Variants in MTHFD1 observed in about 807,000 individuals in gnomAD.
The protein encoded by MTHFD1 is C-1-tetrahydrofolate synthase, cytoplasmic.
In MTHFD1, 44 loss-of-function variants were observed where a neutral mutation model predicts 110.3. The observed-to-expected ratio is 0.40, with a 90% CI of 0.31 to 0.51. The LOEUF is 0.51. MTHFD1 is among the 20% of genes least tolerant of loss of function. The pLI, the probability that MTHFD1 is intolerant of heterozygous loss-of-function variation, is 0.60. For synonymous variants in MTHFD1, 402 were observed against 428.8 expected (o/e 0.94, Z 0.77); for missense variants, 909 against 1,173.1 (o/e 0.77, Z 3.29).
In MTHFD1 at chr14:64,454,703, C is replaced by T. The variant is rs375172283; in HGVS notation, c.2566-20C>T. The T allele has an allele frequency of 1.9e-6, 3 of 1,607,768 alleles. No individual in the cohort carries two copies. Among genetic ancestry groups the T allele is most frequent in the Non-Finnish European group, 2.6e-6 (3 of 1,174,324 alleles). On this transcript the variant is annotated intron_variant, in intron 25 of 27. Transcript: ENST00000652337. ...TGTCATCTTTTCATTTGTCCTCCCT[C>T]TCTTCCCTTCTTTCCCCAGGGCTTT...
chr14:64,431,569 C>G lies in MTHFD1; in HGVS notation c.1349C>G (p.Thr450Ser). ...LHLTGDIHAITAANNLVAAAI... is the reference protein window; with the variant it reads ...LHLTGDIHAISAANNLVAAAI... ...CTCACAGGTGACATCCATGCCATCA[C>G]TGCAGCTAATAACCTCGTTGCTGCG... is the stretch of plus-strand genomic sequence containing the variant. Residue 450 changes from threonine to serine, a missense_variant, in exon 14 of 28, where the codon ACT becomes AGT. Transcript: ENST00000652337. 2 of 1,614,184 alleles carry G rather than the reference C, an allele frequency of 1.2e-6. No individual in the cohort carries two copies. The highest frequency in any genetic ancestry group is 1.7e-6 in the Non-Finnish European group (2 of 1,180,026).
intron 14 of MTHFD1, 49 bp from the exon 15 acceptor site, chr14:64,431,738 C>CT (rs1566567387): frequency 6.3e-7 from 1 of 1,599,042 alleles, no homozygotes; most frequent in Non-Finnish European, 8.6e-7. Context: ...ATGCAGGTAG[C>CT]AAAGCAGTGG....
intron 24 of MTHFD1, 45 bp from the exon 25 acceptor site, chr14:64,453,709 A>C: frequency 8.6e-7 from 1 of 1,161,202 alleles, no homozygotes; most frequent in South Asian, 1.2e-5. Context: ...AAATGTCCTC[A>C]CATGTGTCCA....
chr14:64,419,991 A>C (rs2078056050), intron 8 of MTHFD1, 66 bp downstream of exon 8: 1 of 1,096,808 alleles, frequency 9.1e-7, no homozygotes, highest in Non-Finnish European at 1.4e-6. Context: ...CATCAAAAGA[A>C]GCCTGAGAGA....
chr14:64,424,743 T>C, intron 8 of MTHFD1, 61 bp from the exon 9 acceptor site: 1 of 1,599,894 alleles, frequency 6.3e-7, no homozygotes, highest in Non-Finnish European at 8.5e-7. Flanking sequence ...GTTTTTGTCG[T>C]AACTGATCAC....
Position 64,453,838 on chromosome 14 carries a change from A to T in MTHFD1, c.2542A>T (p.Lys848Ter), listed in dbSNP as rs2078419499. 1 of 1,609,280 alleles carries T rather than the reference A, an allele frequency of 6.2e-7. No individual in the cohort carries two copies. Among genetic ancestry groups the T allele is most frequent in the Non-Finnish European group, 8.5e-7 (1 of 1,175,638 alleles). Residue 848 changes from lysine (K) to a stop codon, truncating the protein, a stop_gained, in exon 25 of 28, where the codon AAA (lysine) becomes TAA (stop). Transcript: ENST00000652337. LOFTEE classifies it high-confidence loss of function. ...DIELLPEAQH[K>*]AEVYTKQGFG... ...TGAATTACTTCCCGAAGCTCAACAC[A>T]AAGCTGAAGTCTACACGAAGCAGGT...
Position 64,425,820 on chromosome 14 carries a change from G to C in MTHFD1, c.946G>C (p.Val316Leu). 6.2e-7 allele frequency: 1 copy of C among 1,613,510 alleles called. No individual in the cohort carries two copies. The highest frequency in any genetic ancestry group is 1.1e-5 in the South Asian group (1 of 91,058). Residue 316 changes from valine (V) to leucine (L), a missense_variant, in exon 10 of 28, where the codon GTT becomes CTT. By Grantham distance (32) the Val-to-Leu change is conservative. Transcript: ENST00000652337. ...QYNNLNLKTP[V>L]PSDIDISRSC... The stretch of plus-strand genomic sequence containing the variant: ...TAACAACCTTAACCTCAAGACACCT[G>C]TTCCAAGGTAAAAATAAAGTTTTAC...
intron 11 of MTHFD1, among the ~76,000 whole-genome samples, chr14:64,426,702 C>G (rs1317194574): frequency 6.6e-6 from 1 of 151,912 alleles, no homozygotes. Flanking sequence ...AACTCCTGAC[C>G]TTGTGATCCA....
chr14:64,393,547 G>C (rs918372543), intron 1 of MTHFD1, among the ~76,000 whole-genome samples: 6 of 152,202 alleles, frequency 3.9e-5, no homozygotes. Context: ...GAGAGGCTGG[G>C]ACCTTCAGCT....
intron 3 of MTHFD1, among the ~76,000 whole-genome samples, chr14:64,411,943 A>G (rs991386091): frequency 2.0e-5 from 3 of 152,158 alleles, no homozygotes; most frequent in African/African-American, 7.2e-5. Context: ...CAGAGGAAAA[A>G]TGCAGGCAAT....
intron 24 of MTHFD1, 43 bp from the exon 25 acceptor site, chr14:64,453,711 A>G (rs1596565025): frequency 2.5e-6 from 3 of 1,180,290 alleles, no homozygotes; most frequent in South Asian, 1.2e-5. Context: ...ATGTCCTCAC[A>G]TGTGTCCAGT....
rs1051365331 is a variant in MTHFD1 at position 64,453,518 on chromosome 14, C to T, written c.2458-236C>T. The stretch of plus-strand genomic sequence containing the variant: ...CCTGGGAGGCAGGGGTTACAGTGAA[C>T]TGAGATCGCGCCATTGCACTCCAGC... On this transcript the variant is annotated intron_variant, in intron 24 of 27. Coordinates refer to ENST00000652337, the MANE Select transcript of MTHFD1 (RefSeq NM_005956.4). Among the ~76,000 whole-genome samples, 3 of 152,186 alleles carry T rather than the reference C, an allele frequency of 2.0e-5. No individual in the cohort carries two copies. The South Asian group carries it at 6.2e-4, about 32-fold the overall frequency.
chr14:64,456,914 T>C (rs2078483618), intron 26 of MTHFD1, among the ~76,000 whole-genome samples: 1 of 152,210 alleles, frequency 6.6e-6, no homozygotes, highest in Non-Finnish European at 1.5e-5. Context: ...CTGTCTAGAT[T>C]TGATTTGGAA....
At chr14:64,399,530 G>T (rs144345053) in intron 1 of MTHFD1, among the ~76,000 whole-genome samples, 1 of 151,818 alleles carries the variant, frequency 6.6e-6, no homozygotes, top group East Asian at 1.9e-4. Context: ...GTGGTGGCAC[G>T]TGCCTGTAAT....
intron 3 of MTHFD1, 102 bp downstream of exon 3, chr14:64,411,251 C>G: frequency 1.2e-6 from 1 of 818,096 alleles, no homozygotes; most frequent in Non-Finnish European, 2.1e-6. Flanking sequence ...ACTTTTATCA[C>G]CCACAGGAGA....
At chr14:64,396,924 G>A in intron 1 of MTHFD1, among the ~76,000 whole-genome samples, 1 of 145,472 alleles carries the variant, frequency 6.9e-6, no homozygotes, top group Admixed American at 6.9e-5. Flanking sequence ...CTAACACGGT[G>A]AAACCCCGTC....
chr14:64,433,994 C>T (rs186146915), intron 15 of MTHFD1, among the ~76,000 whole-genome samples: 85 of 152,128 alleles, frequency 5.6e-4, no homozygotes, highest in African/African-American at 1.9e-3. Context: ...TGCCCCACTG[C>T]ACTCCAGCCT....
At chr14:64,407,463 T>C (rs1025731654) in intron 2 of MTHFD1, among the ~76,000 whole-genome samples, 5 of 137,340 alleles carry the variant, frequency 3.6e-5, no homozygotes, top group African/African-American at 1.5e-4. Flanking sequence ...AGACTTTGTC[T>C]CAAAAAAAAA....
At chr14:64,400,288 T>C (rs1000102651) in intron 1 of MTHFD1, among the ~76,000 whole-genome samples, 7 of 151,990 alleles carry the variant, frequency 4.6e-5, no homozygotes, top group African/African-American at 1.5e-4. Flanking sequence ...CTCGGGAGGC[T>C]GAGGCAGGAG....
Sources: allele counts gnomAD v4.1 joint callset (sites outside exome capture counted in the v4.1 genomes callset), GRCh38; gene constraint gnomAD v4.1.1; transcripts MANE v1.5; gene names NCBI Gene and HGNC (gene_info 2026-07-23, HGNC 2026-07-21).